GRM8: variants seen among roughly 807,000 people sequenced by gnomAD.
GRM8 encodes glutamate metabotropic receptor 8, also known as metabotropic glutamate receptor 8.
In GRM8, 47 loss-of-function variants were observed where a neutral mutation model predicts 87.2. The ratio of observed to expected loss-of-function variants is 0.54; its 90% CI spans 0.43 to 0.69. The LOEUF (loss-of-function observed/expected upper bound fraction) is 0.69, where lower values mean the gene tolerates loss of function less well. Among genes scored for constraint, GRM8 ranks in the 30% least tolerant of loss-of-function variants. GRM8 has a pLI of 0.00. For synonymous variants in GRM8, 396 were observed against 404.5 expected (o/e 0.98, Z 0.25); for missense variants, 1,019 against 1,139.2 (o/e 0.89, Z 1.52).
chr7:126,491,535 A>G (rs1808013027), intron 9 of GRM8, among the ~76,000 whole-genome samples: 3 of 152,098 alleles, frequency 2.0e-5, no homozygotes, highest in Non-Finnish European at 4.4e-5. Context: ...GTAAATGTAC[A>G]GAACTTAACA....
At position 126,659,240 on chromosome 7, in the gene GRM8, A is replaced by G. The variant is rs578237242; in HGVS notation, c.1358-49742T>C. ...CCACCACCCTGACCGATCTCCTACA[A>G]TCTCCAAAATTGTGAAATAGAAAAT... On this transcript the variant is annotated intron_variant, in intron 7 of 10. Transcript: ENST00000339582. 3.9e-5 allele frequency among the ~76,000 whole-genome samples: 6 copies of G among 152,084 alleles called. No individual in the cohort carries two copies. In the East Asian group the frequency reaches 9.7e-4, roughly 25 times the overall value.
intron 7 of GRM8, among the ~76,000 whole-genome samples, chr7:126,691,637 C>T (rs1445306047): frequency 6.6e-6 from 1 of 152,160 alleles, no homozygotes; most frequent in Non-Finnish European, 1.5e-5. Flanking sequence ...AGAACCAACA[C>T]TTTAGTAATG....
chr7:127,131,154 G>A (rs1400471964), intron 2 of GRM8, among the ~76,000 whole-genome samples: 1 of 152,184 alleles, frequency 6.6e-6, no homozygotes, highest in Non-Finnish European at 1.5e-5. Flanking sequence ...TCTGAAACAG[G>A]CTCCCTCCCA....
At chr7:126,913,890 G>C (rs1209235690) in intron 3 of GRM8, among the ~76,000 whole-genome samples, 3 of 152,216 alleles carry the variant, frequency 2.0e-5, no homozygotes, top group African/African-American at 7.2e-5. Context: ...TAAAGAAAAA[G>C]TGTTATCTCT....
intron 9 of GRM8, among the ~76,000 whole-genome samples, chr7:126,450,157 A>G (rs891236234): frequency 2.6e-5 from 4 of 151,524 alleles, no homozygotes; most frequent in African/African-American, 9.7e-5. Context: ...ATCATTAAAG[A>G]CTCCAGGAAG....
At chr7:126,969,916 C>T (rs1008106700) in intron 3 of GRM8, among the ~76,000 whole-genome samples, 2 of 152,142 alleles carry the variant, frequency 1.3e-5, no homozygotes, top group Non-Finnish European at 2.9e-5. Flanking sequence ...GTCATAAAAA[C>T]ATTAATTTCC....
At chr7:126,782,565 C>A (rs1391000366) in intron 6 of GRM8, among the ~76,000 whole-genome samples, 3 of 152,138 alleles carry the variant, frequency 2.0e-5, no homozygotes, top group Admixed American at 1.3e-4. Context: ...GAGTAATGGG[C>A]AGGTTCTCTC....
At position 126,770,024 on chromosome 7, in the gene GRM8, C is replaced by T; in HGVS notation, c.1198G>A (p.Gly400Arg). The change falls in exon 7 of 11, where the codon GGA becomes AGA. Residue 400 changes from glycine to arginine, a missense_variant. Physicochemically the swap from Gly to Arg is moderately radical, Grantham distance 125. Transcript: ENST00000339582. ...GCATCAATTACAAATTGGACCTTTC[C>T]TTCCTGTTCATAAGATGAATCCCGA... is the stretch of plus-strand genomic sequence containing the variant. ...IARDSSYEQEGKVQFVIDAVY... is the reference protein window; with the variant it reads ...IARDSSYEQERKVQFVIDAVY... The T allele has an allele frequency of 6.2e-7, 1 of 1,612,810 alleles. No individual in the cohort carries two copies. Among genetic ancestry groups the T allele is most frequent in the East Asian group, 2.2e-5 (1 of 44,764 alleles).
At chr7:126,450,111 A>C (rs1802453573) in intron 9 of GRM8, among the ~76,000 whole-genome samples, 1 of 151,810 alleles carries the variant, frequency 6.6e-6, no homozygotes, top group Non-Finnish European at 1.5e-5. Context: ...TCATTTGTAC[A>C]TATCAAGGTC....
intron 6 of GRM8, among the ~76,000 whole-genome samples, chr7:126,864,449 A>C (rs1798421590): frequency 6.6e-6 from 1 of 152,054 alleles, no homozygotes; most frequent in Non-Finnish European, 1.5e-5. Context: ...AATTAACTTC[A>C]AACTCACTAA....
intron 6 of GRM8, among the ~76,000 whole-genome samples, chr7:126,830,407 T>A (rs2130393920): frequency 6.6e-6 from 1 of 152,316 alleles, no homozygotes; most frequent in East Asian, 1.9e-4. Context: ...CATTTCTTTT[T>A]ATTATTTTTT....
intron 7 of GRM8, among the ~76,000 whole-genome samples, chr7:126,619,344 A>G (rs1799868590): frequency 6.6e-6 from 1 of 152,100 alleles, no homozygotes; most frequent in Non-Finnish European, 1.5e-5. Context: ...TGGACACAGG[A>G]AGGGGAACAT....
intron 3 of GRM8, among the ~76,000 whole-genome samples, chr7:126,932,759 T>C (rs1186657002): frequency 6.6e-6 from 1 of 152,162 alleles, no homozygotes; most frequent in East Asian, 1.9e-4. Context: ...TAGTCCCTTA[T>C]AGCCAGGCAG....
intron 7 of GRM8, among the ~76,000 whole-genome samples, chr7:126,743,441 A>T (rs981414240): frequency 1.3e-5 from 2 of 152,148 alleles, no homozygotes; most frequent in African/African-American, 4.8e-5. Flanking sequence ...CCCTTTAGAC[A>T]AGTGTCTTAA....
chr7:126,852,644 TGTATTGAGA>T lies in GRM8; in HGVS notation c.1156+49889_1156+49897del, dbSNP rs535102627. Among the ~76,000 whole-genome samples, 22 of 152,298 alleles carry T rather than the reference TGTATTGAGA, an allele frequency of 1.4e-4. No individual in the cohort carries two copies. In the South Asian group the frequency reaches 4.4e-3, roughly 30 times the overall value. ...ATAAACCTTCTTAGAAATCTTAAAA[TGTATTGAGA>T]GTATTTTCTTTAAGAGAATTTTCAA... On this transcript the variant is annotated intron_variant, in intron 6 of 10. Transcript: ENST00000339582.
intron 3 of GRM8, among the ~76,000 whole-genome samples, chr7:126,929,695 A>G (rs1044091291): frequency 7.1e-6 from 1 of 141,688 alleles, no homozygotes; most frequent in Non-Finnish European, 1.5e-5. Flanking sequence ...CAGCCTCCCA[A>G]AGTGCTGGGA....
intron 3 of GRM8, among the ~76,000 whole-genome samples, chr7:127,071,704 G>A (rs1821707835): frequency 6.6e-6 from 1 of 152,140 alleles, no homozygotes; most frequent in Admixed American, 6.5e-5. Flanking sequence ...AAAAGATAAT[G>A]TGGTCTCTGA....
At chr7:126,554,121 A>G (rs918262675) in intron 8 of GRM8, among the ~76,000 whole-genome samples, 1 of 152,178 alleles carries the variant, frequency 6.6e-6, no homozygotes, top group African/African-American at 2.4e-5. Flanking sequence ...AGTGCTTCCT[A>G]AAATTGTTTA....
At chr7:126,493,048 T>C (rs1808229757) in intron 9 of GRM8, among the ~76,000 whole-genome samples, 1 of 152,096 alleles carries the variant, frequency 6.6e-6, no homozygotes, top group Non-Finnish European at 1.5e-5. Flanking sequence ...AATTTTTGTT[T>C]GTTGAGCTTT....
Sources: gnomAD v4.1 joint callset for allele counts (sites outside exome capture counted in the v4.1 genomes callset) on GRCh38, gnomAD v4.1.1 for gene constraint, MANE v1.5 for transcripts, NCBI Gene and HGNC (gene_info 2026-07-23, HGNC 2026-07-21) for gene names.